Variants in NUP210 observed in about 807,000 individuals in gnomAD.
NUP210 encodes the protein nucleoporin 210, also known as nuclear pore membrane glycoprotein 210.
A neutral mutation model predicts 196.0 loss-of-function variants in NUP210; 151 were observed. That is an observed-to-expected ratio of 0.77 (90% CI 0.67 to 0.88). NUP210 has a LOEUF of 0.88. NUP210 is among the 40% of genes least tolerant of loss of function. The pLI is 0.00. For missense variants in NUP210, 2,314 were observed against 2,493.7 expected, an observed-to-expected ratio of 0.93 and a Z score of 1.53; for synonymous variants, 1,070 against 1,052.7, an observed-to-expected ratio of 1.02 and a Z score of -0.32.
intron 4 of NUP210, among the ~76,000 whole-genome samples, chr3:13,390,387 A>C (rs1226590168): frequency 2.6e-5 from 4 of 152,236 alleles, no homozygotes; most frequent in Non-Finnish European, 5.9e-5. Flanking sequence ...ATGGCAAATC[A>C]GGAGGAAGGC....
chr3:13,328,394 A>C (rs189734230), intron 31 of NUP210, among the ~76,000 whole-genome samples: 1 of 152,258 alleles, frequency 6.6e-6, no homozygotes, highest in Non-Finnish European at 1.5e-5. Flanking sequence ...AGTTCTTTCC[A>C]TAAGGCAACA....
In NUP210 at chr3:13,397,498, C is replaced by A. The variant is rs753112771; in HGVS notation, c.305-10G>T. 3 of 1,586,898 alleles carry A rather than the reference C, an allele frequency of 1.9e-6. No homozygotes were observed. The Admixed American group carries it at 5.4e-5, about 29-fold the overall frequency. ...AGGACCTGGCCTGTGGCTGGAGGAA[C>A]CCCAGGAAGGGGTCAGCACCAAAGA... On this transcript the variant is annotated splice_polypyrimidine_tract_variant and intron_variant, in intron 2 of 39. Transcript: ENST00000254508.
chr3:13,418,974 G>GAA (rs1700442623), intron 1 of NUP210, among the ~76,000 whole-genome samples: 2 of 104,936 alleles, frequency 1.9e-5, no homozygotes, highest in Non-Finnish European at 3.9e-5. Flanking sequence ...AAAAAAAAAA[G>GAA]AAAGAAAGAA....
chr3:13,350,432 C>A lies in NUP210; in HGVS notation c.2835+1447G>T, dbSNP rs1697926418. ...TGTCCAGTTTCCAACAATTATAGGA[C>A]ATGAAAAAACAAAACAAAACAAAAC... On this transcript the variant is annotated intron_variant, in intron 20 of 39. Coordinates refer to ENST00000254508, the MANE Select transcript of NUP210 (RefSeq NM_024923.4). This position sits in a 1 kb window ranked among gnomAD's most constrained non-coding sequence, Gnocchi z 4.1. Among the ~76,000 whole-genome samples, 1 of 139,844 alleles carries A rather than the reference C, an allele frequency of 7.2e-6. No homozygotes were observed. The highest frequency in any genetic ancestry group is 1.5e-5 in the Non-Finnish European group (1 of 64,618). 91.7% of individuals were successfully genotyped at this position (139,844 alleles called of 152,430 possible). A position where few individuals can be genotyped will look rare whatever the true frequency, so the allele number is the denominator to read the frequency against.
At chr3:13,339,759 T>C in intron 25 of NUP210, 95 bp downstream of exon 25, 1 of 1,164,556 alleles carries the variant, frequency 8.6e-7, no homozygotes, top group South Asian at 1.3e-5. Flanking sequence ...GCAGCACCCT[T>C]GGAGAGGGGT....
intron 28 of NUP210, among the ~76,000 whole-genome samples, chr3:13,334,060 T>C (rs898234677): frequency 4.6e-5 from 7 of 152,180 alleles, no homozygotes; most frequent in African/African-American, 1.4e-4. Context: ...CTTTAGGACA[T>C]GCTGCATCTT....
intron 1 of NUP210, among the ~76,000 whole-genome samples, chr3:13,419,732 C>CGGGCCCGGCCGGCTT (rs1247778398): frequency 3.3e-5 from 5 of 152,112 alleles, no homozygotes; most frequent in African/African-American, 1.2e-4. Flanking sequence ...CAGGCCGGCT[C>CGGGCCCGGCCGGCTT]GGGCCCGGCC....
At chr3:13,328,226 G>A (rs780151664) in intron 31 of NUP210, among the ~76,000 whole-genome samples, 8 of 152,186 alleles carry the variant, frequency 5.3e-5, no homozygotes, top group Non-Finnish European at 7.3e-5. Flanking sequence ...GTTTGCCAGC[G>A]GTCCTCATGA....
chr3:13,419,517 T>C (rs1700460223), intron 1 of NUP210, among the ~76,000 whole-genome samples: 1 of 152,158 alleles, frequency 6.6e-6, no homozygotes. Context: ...CTCGTCTCAC[T>C]TCGCCTCTGT....
intron 3 of NUP210, among the ~76,000 whole-genome samples, chr3:13,393,793 G>A (rs1378677359): frequency 3.3e-5 from 5 of 152,248 alleles, no homozygotes; most frequent in Admixed American, 2.6e-4. Context: ...TATGTGCAAC[G>A]GAGCCCTTGA....
chr3:13,373,034 G>A (rs953434747), intron 12 of NUP210, among the ~76,000 whole-genome samples: 1 of 152,138 alleles, frequency 6.6e-6, no homozygotes, highest in African/African-American at 2.4e-5. Context: ...GGTCTCAAGC[G>A]GAAGACTGGC....
intron 16 of NUP210, among the ~76,000 whole-genome samples, chr3:13,355,172 C>T (rs994816504): frequency 3.9e-5 from 6 of 152,310 alleles, no homozygotes; most frequent in African/African-American, 1.4e-4. Flanking sequence ...TTCCTACATT[C>T]GGGTAGGAAA....
At chr3:13,415,303 C>T (rs9817742) in intron 1 of NUP210, among the ~76,000 whole-genome samples, 33,701 of 152,200 alleles carry the variant, frequency 0.22, 5,850 homozygotes, top group African/African-American at 0.49. Context: ...AAATATGTGT[C>T]GTCCATCAGT....
At chr3:13,322,793 C>T (rs1696593649) in intron 34 of NUP210, among the ~76,000 whole-genome samples, 3 of 152,226 alleles carry the variant, frequency 2.0e-5, no homozygotes, top group African/African-American at 4.8e-5. Flanking sequence ...AACAGAGCTG[C>T]CTCGTTAATC....
chr3:13,364,035 C>T (rs1170253262), intron 14 of NUP210, among the ~76,000 whole-genome samples: 1 of 152,272 alleles, frequency 6.6e-6, no homozygotes, highest in East Asian at 1.9e-4. Context: ...GACACTCTCA[C>T]CTGCTGCAGT....
chr3:13,322,188 A>G lies in NUP210; in HGVS notation c.4915+5T>C, dbSNP rs1248370709. 3 of 1,614,002 alleles carry G rather than the reference A, an allele frequency of 1.9e-6. No individual in the cohort carries two copies. Among genetic ancestry groups the G allele is most frequent in the African/African-American group, 1.3e-5 (1 of 74,922 alleles). ...TCCCTTTCACTTTCAAATCCTCGCA[A>G]TTACCGAGAGCAGTGTCAAACTGTG... On this transcript the variant is annotated splice_donor_5th_base_variant and intron_variant, in intron 35 of 39. Transcript: ENST00000254508.
At chr3:13,414,571 T>G (rs1007770011) in intron 1 of NUP210, among the ~76,000 whole-genome samples, 1 of 152,172 alleles carries the variant, frequency 6.6e-6, no homozygotes, top group Non-Finnish European at 1.5e-5. Context: ...AGGTCCCACA[T>G]GGCCCCGCCC....
At chr3:13,372,863 T>A (rs1698778473) in intron 12 of NUP210, among the ~76,000 whole-genome samples, 1 of 152,194 alleles carries the variant, frequency 6.6e-6, no homozygotes, top group South Asian at 2.1e-4. Flanking sequence ...CCTCAGGATC[T>A]GGCTGGGCTG....
intron 14 of NUP210, among the ~76,000 whole-genome samples, chr3:13,364,772 G>T (rs1378691881): frequency 2.6e-5 from 4 of 152,182 alleles, no homozygotes; most frequent in Non-Finnish European, 5.9e-5. Context: ...TGGTTGCGGT[G>T]AGCAGAGATG....
Sources: allele counts gnomAD v4.1 joint callset (sites outside exome capture counted in the v4.1 genomes callset), GRCh38; gene constraint gnomAD v4.1.1; non-coding constraint Gnocchi (gnomAD v3.1); transcripts MANE v1.5; gene names NCBI Gene and HGNC (gene_info 2026-07-23, HGNC 2026-07-21).